Variants in HOOK3 observed in about 807,000 individuals in gnomAD.
HOOK3 encodes the protein hook microtubule tethering protein 3, also known as protein Hook homolog 3.
Under a neutral mutation model 116.3 loss-of-function variants are expected in HOOK3, and 24 were observed. The observed-to-expected ratio is 0.21, with a 90% confidence interval of 0.15 to 0.29. The LOEUF is 0.29. Ranked by LOEUF, HOOK3 falls within the 10% of genes least tolerant of loss-of-function variation. The pLI, the probability that HOOK3 is intolerant of heterozygous loss-of-function variation, is 1.00. For synonymous variants in HOOK3, 275 were observed against 283.0 expected (o/e 0.97, Z 0.28); for missense variants, 632 against 830.2 (o/e 0.76, Z 2.93).
At chr8:42,935,302 A>C (rs1807946614) in intron 4 of HOOK3, among the ~76,000 whole-genome samples, 1 of 151,858 alleles carries the variant, frequency 6.6e-6, no homozygotes, top group South Asian at 2.1e-4. Flanking sequence ...CCTTTGTCAG[A>C]TGGATAGATT....
intron 6 of HOOK3, among the ~76,000 whole-genome samples, chr8:42,952,425 C>G (rs1808360285): frequency 6.6e-6 from 1 of 152,192 alleles, no homozygotes; most frequent in Middle Eastern, 3.2e-3. Flanking sequence ...TTACCTGAGC[C>G]TTTATATCCA....
intron 8 of HOOK3, among the ~76,000 whole-genome samples, chr8:42,961,342 A>G (rs778816925): frequency 1.5e-4 from 23 of 152,216 alleles, no homozygotes; most frequent in Non-Finnish European, 2.4e-4. Flanking sequence ...TTTGTTTTGA[A>G]TATATAACAC....
chr8:42,994,763 A>C (rs1350817885), intron 15 of HOOK3, among the ~76,000 whole-genome samples: 1 of 152,246 alleles, frequency 6.6e-6, no homozygotes, highest in East Asian at 1.9e-4. Context: ...ATACTTTAAC[A>C]GTTACATTAC....
chr8:42,961,812 G>A (rs910411674), intron 8 of HOOK3, among the ~76,000 whole-genome samples: 8 of 151,916 alleles, frequency 5.3e-5, no homozygotes, highest in African/African-American at 1.9e-4. Context: ...TTTGAGACAG[G>A]GTCTCACTCT....
At chr8:42,998,463 T>C (rs1809321460) in intron 16 of HOOK3, among the ~76,000 whole-genome samples, 2 of 152,180 alleles carry the variant, frequency 1.3e-5, no homozygotes, top group Admixed American at 6.5e-5. Context: ...AGCATAAACG[T>C]TTGTTTCCAT....
intron 19 of HOOK3, among the ~76,000 whole-genome samples, chr8:43,012,130 G>A (rs1391638348): frequency 1.3e-5 from 2 of 152,226 alleles, no homozygotes; most frequent in Non-Finnish European, 2.9e-5. Context: ...ACCACTGTCA[G>A]TAGTGTCCGC....
chr8:42,988,243 G>T (rs1299497759), intron 15 of HOOK3, among the ~76,000 whole-genome samples: 1 of 152,204 alleles, frequency 6.6e-6, no homozygotes, highest in African/African-American at 2.4e-5. Context: ...TGGAGCGGAG[G>T]AGATTGCGGG....
intron 20 of HOOK3, 48 bp downstream of exon 20, chr8:43,013,203 GTT>G: frequency 6.8e-7 from 1 of 1,467,842 alleles, no homozygotes; most frequent in East Asian, 2.3e-5. Context: ...TGATTTTAAT[GTT>G]TTGGGAGCCT....
rs537892302 is a variant in HOOK3 at position 42,943,375 on chromosome 8, T to C, written c.330T>C (p.Ser110=). 1 of 1,570,332 alleles carries C rather than the reference T, an allele frequency of 6.4e-7. No individual in the cohort carries two copies. Among genetic ancestry groups the C allele is most frequent in the South Asian group, 1.2e-5 (1 of 80,814 alleles). The change falls in exon 5 of 22, where the codon TCT becomes TCC. Residue 110 remains serine, a synonymous_variant. Transcript: ENST00000307602. ...LPDVNLIGEH[S]DAAELGRMLQ... ...ATGTGAACCTTATTGGGGAGCATTCTGATGCAGCAGAGCTTGGAAGGATGC... is the reference window on the plus strand; with the variant it reads ...ATGTGAACCTTATTGGGGAGCATTCCGATGCAGCAGAGCTTGGAAGGATGC...
intron 3 of HOOK3, among the ~76,000 whole-genome samples, chr8:42,927,246 T>TTTTTTTTTTGG (rs1491340696): frequency 7.7e-6 from 1 of 129,944 alleles, no homozygotes; most frequent in Admixed American, 7.6e-5. Flanking sequence ...ATGGCACTGG[T>TTTTTTTTTTGG]TTTTTTTTTT....
intron 13 of HOOK3, among the ~76,000 whole-genome samples, chr8:42,974,472 C>T (rs1324617812): frequency 6.6e-6 from 1 of 152,070 alleles, no homozygotes; most frequent in Non-Finnish European, 1.5e-5. Flanking sequence ...CTCCTGACCT[C>T]AGGTAATCCC....
At chr8:43,018,208 CTA>C (rs1220126044) in intron 21 of HOOK3, 148 bp from the exon 22 acceptor site, 15 of 670,458 alleles carry the variant, frequency 2.2e-5, no homozygotes, top group Non-Finnish European at 2.9e-5. Flanking sequence ...TAAAATGCCT[CTA>C]TGAGATTTTA....
chr8:43,009,955 G>A (rs561285696), intron 18 of HOOK3, among the ~76,000 whole-genome samples: 11 of 151,946 alleles, frequency 7.2e-5, no homozygotes, highest in Admixed American at 6.5e-4. Context: ...TTAACATAAT[G>A]TCTCCATATC....
At chr8:42,914,921 A>G (rs555089612) in intron 2 of HOOK3, among the ~76,000 whole-genome samples, 1 of 152,334 alleles carries the variant, frequency 6.6e-6, no homozygotes, top group South Asian at 2.1e-4. Flanking sequence ...CTTCAAGATC[A>G]GCCTGGCTAA....
chr8:42,964,816 G>A (rs1808601922), intron 9 of HOOK3, among the ~76,000 whole-genome samples: 1 of 149,874 alleles, frequency 6.7e-6, no homozygotes, highest in Non-Finnish European at 1.5e-5. Context: ...AACAGAACGC[G>A]ACTTTGTCTC....
Position 42,973,222 on chromosome 8 carries a change from A to G in HOOK3, c.1123-67A>G, listed in dbSNP as rs1282741785. 2.6e-6 allele frequency: 4 copies of G among 1,517,510 alleles called. No homozygotes were observed. In the East Asian group the frequency reaches 6.8e-5, roughly 26 times the overall value. The allele number at this position is 1,517,510 out of a possible 1,614,324, so 94.0% of individuals were successfully genotyped here. ...GAGATTTTGGTTTTCTTAAACCTGT[A>G]GAAGAAAATAAGGATAATTTCTAAT... On this transcript the variant is annotated intron_variant, in intron 11 of 21. Transcript: ENST00000307602.
intron 1 of HOOK3, among the ~76,000 whole-genome samples, chr8:42,900,829 A>C (rs150361044): frequency 3.3e-5 from 5 of 152,276 alleles, no homozygotes; most frequent in Middle Eastern, 3.4e-3. Context: ...CTCATGCTTT[A>C]GTGTTGATCT....
At chr8:43,008,976 A>G (rs1379012598) in intron 18 of HOOK3, among the ~76,000 whole-genome samples, 2 of 152,060 alleles carry the variant, frequency 1.3e-5, no homozygotes, top group South Asian at 4.1e-4. Context: ...TTATTTAAGA[A>G]ATAGGCTCTA....
chr8:42,908,834 T>C (rs907630018), intron 2 of HOOK3, among the ~76,000 whole-genome samples: 4 of 152,174 alleles, frequency 2.6e-5, no homozygotes, highest in Non-Finnish European at 4.4e-5. Context: ...CTGAAAACTT[T>C]TGCATGACAA....
Sources: gnomAD v4.1 joint callset for allele counts (sites outside exome capture counted in the v4.1 genomes callset) on GRCh38, gnomAD v4.1.1 for gene constraint, MANE v1.5 for transcripts, NCBI Gene and HGNC (gene_info 2026-07-23, HGNC 2026-07-21) for gene names.